The following CEP120 variants were observed in gnomAD, a reference collection of about 807,000 sequenced individuals.
The protein encoded by CEP120 is centrosomal protein 120.
A neutral mutation model predicts 126.5 loss-of-function variants in CEP120; 113 were observed. The observed-to-expected ratio is 0.89, with a 90% CI of 0.77 to 1.04. The LOEUF is 1.04. Among genes scored for constraint, CEP120 ranks in the 50% least tolerant of loss-of-function variants. The pLI is 0.00. For missense variants in CEP120, 1,230 were observed against 1,155.7 expected, an observed-to-expected ratio of 1.06 and a Z score of -0.93; for synonymous variants, 400 against 394.3, an observed-to-expected ratio of 1.01 and a Z score of -0.17.
In CEP120 at chr5:123,376,878, A is replaced by G. The variant is rs1402183320; in HGVS notation, c.2358+496T>C. On this transcript the variant is annotated intron_variant, in intron 16 of 19. Coordinates refer to ENST00000306467, the MANE Select transcript of CEP120 (RefSeq NM_001375405.1). ...GGAGGAAGTCCAACATGTAACGGCT[A>G]AAGGAAGACAAGCCTGCAAAAGAGC... Among the ~76,000 whole-genome samples, 9 of 152,252 alleles carry G rather than the reference A, an allele frequency of 5.9e-5. No individual in the cohort carries two copies. The East Asian group carries it at 1.6e-3, about 26-fold the overall frequency.
Position 123,412,406 on chromosome 5 carries a change from A to G in CEP120, c.456T>C (p.Asp152=). 6.3e-7 allele frequency: 1 copy of G among 1,598,380 alleles called. No homozygotes were observed. Among genetic ancestry groups the G allele is most frequent in the Non-Finnish European group, 8.5e-7 (1 of 1,175,282 alleles). ...SFKAKGAPPR[D]GKVPAILAGL... ...TAGAGATGATGCACAAACCTTTTCCATCTCGAGGGGGAGCCCCCTTTGCTT... is the reference window on the plus strand; with the variant it reads ...TAGAGATGATGCACAAACCTTTTCCGTCTCGAGGGGGAGCCCCCTTTGCTT... Residue 152 remains aspartate (D), a synonymous_variant, in exon 4 of 20, where the codon GAT becomes GAC. Coordinates refer to ENST00000306467, the MANE Select transcript of CEP120 (RefSeq NM_001375405.1).
intron 16 of CEP120, 78 bp from the exon 17 acceptor site, chr5:123,372,850 C>T (rs1770943064): frequency 2.5e-6 from 3 of 1,189,354 alleles, no homozygotes; most frequent in Non-Finnish European, 3.5e-6. Context: ...TCAACAAGGT[C>T]TTTTTTTTTA....
chr5:123,413,256 G>A (rs1411298626), intron 3 of CEP120, among the ~76,000 whole-genome samples: 1 of 151,276 alleles, frequency 6.6e-6, no homozygotes, highest in Non-Finnish European at 1.5e-5. Flanking sequence ...TGAGCAACAG[G>A]AGTGAAGCCC....
At chr5:123,384,430 C>T (rs765174548) in intron 11 of CEP120, among the ~76,000 whole-genome samples, 9 of 151,594 alleles carry the variant, frequency 5.9e-5, no homozygotes, top group Non-Finnish European at 8.8e-5. Flanking sequence ...GTTAAAAAAA[C>T]GCAAGTTTTT....
intron 1 of CEP120, chr5:123,422,327 T>G (rs1426251889): frequency 6.1e-5 from 37 of 609,976 alleles, no homozygotes; most frequent in Non-Finnish European, 2.9e-5. Flanking sequence ...TTCCACATCC[T>G]GATGAATTAT....
Position 123,377,019 on chromosome 5 carries a change from G to T in CEP120, c.2358+355C>A, listed in dbSNP as rs531979918. 2.3e-4 allele frequency among the ~76,000 whole-genome samples: 35 copies of T among 152,192 alleles called. 1 individual carries two copies. The highest frequency in any genetic ancestry group is 6.0e-4 in the African/African-American group (25 of 41,552). On this transcript the variant is annotated intron_variant, in intron 16 of 19. Transcript: ENST00000306467. ...TGATGATACCAATCAGTTTTACTGA[G>T]TATGAGGAGAGGAAATAGGAACAGA...
At position 123,355,471 on chromosome 5, in the gene CEP120, C is replaced by T. The variant is rs371944672; in HGVS notation, c.2581-5382G>A. On this transcript the variant is annotated intron_variant, in intron 18 of 19. Transcript: ENST00000306467. ...TGTTGTTTCCTGACTTTTTAATGAT[C>T]GCCATTCTAACTGGTGTGAGATAGT... Among the ~76,000 whole-genome samples the T allele has an allele frequency of 5.4e-3, 822 of 152,190 alleles. 6 individuals carry two copies. Among genetic ancestry groups the T allele is most frequent in the East Asian group, 0.038 (199 of 5,176 alleles).
At chr5:123,381,495 G>A (rs1019178425) in intron 14 of CEP120, among the ~76,000 whole-genome samples, 10 of 152,200 alleles carry the variant, frequency 6.6e-5, no homozygotes, top group African/African-American at 2.2e-4. Flanking sequence ...AAGAAAGTCT[G>A]TTAGGGTTGT....
chr5:123,350,494 T>G (rs1321261596), intron 18 of CEP120, among the ~76,000 whole-genome samples: 1 of 152,234 alleles, frequency 6.6e-6, no homozygotes, highest in African/African-American at 2.4e-5. Context: ...GTGATTGATA[T>G]TAGCTGACTA....
At chr5:123,399,959 A>T (rs993358440) in intron 4 of CEP120, among the ~76,000 whole-genome samples, 1 of 152,256 alleles carries the variant, frequency 6.6e-6, no homozygotes, top group African/African-American at 2.4e-5. Flanking sequence ...AAAAAACAAA[A>T]AACATACACA....
chr5:123,364,978 A>G (rs985457015), intron 17 of CEP120, among the ~76,000 whole-genome samples: 2 of 151,606 alleles, frequency 1.3e-5, no homozygotes, highest in Admixed American at 6.6e-5. Flanking sequence ...TTAGAAGCCA[A>G]ATTTTCTTTT....
chr5:123,395,411 T>C lies in CEP120; in HGVS notation c.613-1914A>G, dbSNP rs373415068. ...GTTTATTGCTAGATGCTTTCTCACA[T>C]TGCCTTTGACTAAGTTGAGAGGAAA... On this transcript the variant is annotated intron_variant, in intron 5 of 19. Transcript: ENST00000306467. 3.9e-5 allele frequency among the ~76,000 whole-genome samples: 6 copies of C among 152,292 alleles called. No homozygotes were observed. The East Asian group carries it at 5.8e-4, about 15-fold the overall frequency.
In CEP120 at chr5:123,377,552, C is replaced by G. The variant is rs746795835; in HGVS notation, c.2197-17G>C. On this transcript the variant is annotated splice_polypyrimidine_tract_variant and intron_variant, in intron 15 of 19. Coordinates refer to ENST00000306467, the MANE Select transcript of CEP120 (RefSeq NM_001375405.1). ...TCTTTGAAGCTTAAAACAAAGGCAT[C>G]TTTAAGAGGTTGGTTTATTGCTAGC... is the stretch of plus-strand genomic sequence containing the variant. 2 of 1,565,310 alleles carry G rather than the reference C, an allele frequency of 1.3e-6. No homozygotes were observed. The highest frequency in any genetic ancestry group is 2.3e-5 in the Admixed American group (1 of 43,798).
chr5:123,372,153 T>C (rs1562021179), intron 17 of CEP120, among the ~76,000 whole-genome samples: 2 of 152,178 alleles, frequency 1.3e-5, no homozygotes, highest in East Asian at 3.9e-4. Context: ...TTCAAATGAA[T>C]ACTCCTATCT....
At position 123,346,338 on chromosome 5, in the gene CEP120, G is replaced by A. The variant is rs1358955557; in HGVS notation, c.*181C>T. On this transcript the variant is annotated 3_prime_UTR_variant, in exon 20 of 20. Coordinates refer to ENST00000306467, the MANE Select transcript of CEP120 (RefSeq NM_001375405.1). ...TAAATGCAAATTACAAATAAAACCA[G>A]TGTGGGAGAGGTAGCATAAAGTAAA... 3 of 474,016 alleles carry A rather than the reference G, an allele frequency of 6.3e-6. No individual in the cohort carries two copies. Among genetic ancestry groups the A allele is most frequent in the Non-Finnish European group, 7.4e-6 (2 of 271,742 alleles). The allele number at this position is 474,016 out of a possible 1,614,324, so 29.4% of individuals were successfully genotyped here.
At chr5:123,402,233 G>A in intron 4 of CEP120, 1 of 1,514,714 alleles carries the variant, frequency 6.6e-7, no homozygotes, top group Non-Finnish European at 9.1e-7. Context: ...CTTGGGAGAA[G>A]CTTGAGGAGC....
rs371674914 is a variant in CEP120 at position 123,385,057 on chromosome 5, G to A, written c.1657C>T (p.Leu553Phe). ...TTTTCTGAAGACAAGATGTTAGAAA[G>A]CTGGATTCTCGCAATTCCCAGAAGT... ...DLLLGIARIQ[L>F]SNILSSEKTR... The change falls in exon 11 of 20, where the codon CTT (leucine) becomes TTT (phenylalanine). Residue 553 changes from leucine (L) to phenylalanine (F), a missense_variant. Leu to Phe is a conservative substitution (Grantham distance 22, BLOSUM62 0). Coordinates refer to ENST00000306467, the MANE Select transcript of CEP120 (RefSeq NM_001375405.1). The A allele has an allele frequency of 3.7e-6, 6 of 1,613,674 alleles. No individual in the cohort carries two copies. Among genetic ancestry groups the A allele is most frequent in the South Asian group, 2.2e-5 (2 of 91,066 alleles).
chr5:123,401,927 C>T (rs1773271587), intron 4 of CEP120: 1 of 1,548,838 alleles, frequency 6.5e-7, no homozygotes, highest in Middle Eastern at 2.2e-4. Context: ...AGCTCTTGAA[C>T]ATGTTGTCCA....
In CEP120 at chr5:123,402,331, C is replaced by T. The variant is rs1439046001; in HGVS notation, c.464-3047G>A. Reference sequence around the variant, plus strand: ...GACACCTTGTAGGACTTCTGGGTCCCCTAATGGACATGGTGGAGGCAGGAG... The same window carrying T: ...GACACCTTGTAGGACTTCTGGGTCCTCTAATGGACATGGTGGAGGCAGGAG... On this transcript the variant is annotated intron_variant, in intron 4 of 19. Transcript: ENST00000306467. 5 of 1,415,958 alleles carry T rather than the reference C, an allele frequency of 3.5e-6. No individual in the cohort carries two copies. The East Asian group carries it at 1.2e-4, about 33-fold the overall frequency. 87.7% of individuals were successfully genotyped at this position (1,415,958 alleles called of 1,614,324 possible). A position where few individuals can be genotyped will look rare whatever the true frequency, so the allele number is the denominator to read the frequency against.
Sources: allele counts gnomAD v4.1 joint callset (sites outside exome capture counted in the v4.1 genomes callset), GRCh38; gene constraint gnomAD v4.1.1; transcripts MANE v1.5; gene names NCBI Gene and HGNC (gene_info 2026-07-23, HGNC 2026-07-21).